RREB1: variants seen among roughly 807,000 people sequenced by gnomAD.
RREB1 encodes the protein ras-responsive element-binding protein 1.
In RREB1, 27 loss-of-function variants were observed where a neutral mutation model predicts 117.8. That is an observed-to-expected ratio of 0.23 (90% CI 0.17 to 0.32). The LOEUF (loss-of-function observed/expected upper bound fraction) is 0.32, where lower values mean the gene tolerates loss of function less well. Among genes scored for constraint, RREB1 ranks in the 10% least tolerant of loss-of-function variants. RREB1 has a pLI of 1.00. For missense variants in RREB1, 2,577 were observed against 2,378.2 expected, an observed-to-expected ratio of 1.08 and a Z score of -1.74; for synonymous variants, 1,298 against 1,026.7, an observed-to-expected ratio of 1.26 and a Z score of -5.05.
At chr6:7,242,741 G>GTT (rs1441707525) in intron 11 of RREB1, among the ~76,000 whole-genome samples, 1 of 151,770 alleles carries the variant, frequency 6.6e-6, no homozygotes. Context: ...TCCTTGAGGG[G>GTT]TTTTCTAGGC....
At chr6:7,235,730 C>G (rs1768275183) in intron 10 of RREB1, among the ~76,000 whole-genome samples, 1 of 152,182 alleles carries the variant, frequency 6.6e-6, no homozygotes, top group Non-Finnish European at 1.5e-5. Flanking sequence ...TCCTCCTACC[C>G]CCTCAGCAGA....
intron 6 of RREB1, among the ~76,000 whole-genome samples, chr6:7,210,254 C>T (rs149816488): frequency 2.0e-5 from 3 of 152,354 alleles, no homozygotes; most frequent in East Asian, 1.9e-4. Context: ...CATAATACTA[C>T]GAACAACAGG....
At chr6:7,158,019 C>T (rs890692383) in intron 1 of RREB1, among the ~76,000 whole-genome samples, 3 of 152,114 alleles carry the variant, frequency 2.0e-5, no homozygotes, top group Non-Finnish European at 4.4e-5. Flanking sequence ...CCGGCTCATG[C>T]CTGACTTCTC....
At chr6:7,119,773 G>C (rs1351234731) in intron 1 of RREB1, among the ~76,000 whole-genome samples, 1 of 152,212 alleles carries the variant, frequency 6.6e-6, no homozygotes, top group Non-Finnish European at 1.5e-5. Flanking sequence ...CCTACCCAGA[G>C]TTGAGAATAG....
At chr6:7,185,989 C>T (rs996032240) in intron 4 of RREB1, among the ~76,000 whole-genome samples, 1 of 152,120 alleles carries the variant, frequency 6.6e-6, no homozygotes, top group Non-Finnish European at 1.5e-5. Flanking sequence ...TGAAAAAACC[C>T]TGATGGTTCT....
chr6:7,250,271 ACTG>A lies in RREB1; in HGVS notation c.*1304_*1306del, dbSNP rs1769352934. 1 of 152,172 alleles carries A rather than the reference ACTG, an allele frequency of 6.6e-6. No individual in the cohort carries two copies. Among genetic ancestry groups the A allele is most frequent in the African/African-American group, 2.4e-5 (1 of 41,438 alleles). 9.4% of individuals were successfully genotyped at this position (152,172 alleles called of 1,614,324 possible). On this transcript the variant is annotated 3_prime_UTR_variant, in exon 13 of 13. Transcript: ENST00000379938. ...ATTTGCAAAGCAAGGAAATACTACT[ACTG>A]GTAATAAAACTACACATGCAAGATG...
chr6:7,124,290 AG>A (rs1317568243), intron 1 of RREB1, among the ~76,000 whole-genome samples: 3 of 152,056 alleles, frequency 2.0e-5, no homozygotes, highest in East Asian at 3.9e-4. Flanking sequence ...GCTCAAGAAA[AG>A]GGGGGGAGTA....
rs1160166038 is a variant in RREB1 at position 7,188,397 on chromosome 6, CCCA to C, written c.262-754_262-752del. On this transcript the variant is annotated intron_variant, in intron 5 of 12. Coordinates refer to ENST00000379938, the MANE Select transcript of RREB1 (RefSeq NM_001003699.4). ...TCCCAAGTAGCTGGGATTACAGGCG[CCCA>C]CCACCACGCCCAGCCAATTTTTTTA... is the stretch of plus-strand genomic sequence containing the variant. Among the ~76,000 whole-genome samples the C allele has an allele frequency of 1.8e-4, 27 of 152,096 alleles. No individual in the cohort carries two copies. In the South Asian group the frequency reaches 5.6e-3, roughly 32 times the overall value.
At chr6:7,189,821 C>T (rs1354745289) in intron 6 of RREB1, among the ~76,000 whole-genome samples, 2 of 152,130 alleles carry the variant, frequency 1.3e-5, no homozygotes, top group African/African-American at 2.4e-5. Flanking sequence ...ATCTGATAAA[C>T]ATCAGGACAT....
chr6:7,245,400 A>G (rs1391098895), intron 11 of RREB1, among the ~76,000 whole-genome samples: 5 of 152,204 alleles, frequency 3.3e-5, no homozygotes, highest in Non-Finnish European at 7.3e-5. Flanking sequence ...GTCTTGAAAA[A>G]ATAATAAAAA....
At position 7,229,119 on chromosome 6, in the gene RREB1, G is replaced by A. The variant is rs149913845; in HGVS notation, c.1020G>A (p.Ala340=). The change falls in exon 10 of 13, where the codon GCG becomes GCA. Residue 340 remains alanine (A), a synonymous_variant. Transcript: ENST00000379938. This position sits in a 1 kb window ranked among gnomAD's most constrained non-coding sequence, Gnocchi z 4.5. The part of the protein sequence containing the change: ...SLALHKQTHV[A]ADQGQEKPQA... ...CTCTGCACAAGCAGACCCATGTGGC[G>A]GCAGACCAGGGTCAAGAAAAGCCGC... 1.8e-4 allele frequency: 282 copies of A among 1,607,708 alleles called. No homozygotes were observed. The highest frequency in any genetic ancestry group is 4.7e-4 in the African/African-American group (35 of 74,912).
chr6:7,162,636 C>T (rs916130856), intron 1 of RREB1, among the ~76,000 whole-genome samples: 32 of 152,164 alleles, frequency 2.1e-4, no homozygotes, highest in Admixed American at 1.7e-3. Flanking sequence ...CCCAGGTTTT[C>T]GCACAGATCC....
intron 1 of RREB1, among the ~76,000 whole-genome samples, chr6:7,109,631 A>G (rs569412065): frequency 4.3e-4 from 65 of 152,324 alleles, no homozygotes; most frequent in African/African-American, 1.5e-3. Context: ...GTGATGGGTT[A>G]TAAAAGAGGA....
chr6:7,247,051 G>C lies in RREB1; in HGVS notation c.4601G>C (p.Ser1534Thr). The C allele has an allele frequency of 1.2e-6, 2 of 1,613,356 alleles. No individual in the cohort carries two copies. The highest frequency in any genetic ancestry group is 1.7e-6 in the Non-Finnish European group (2 of 1,179,826). The stretch of plus-strand genomic sequence containing the variant: ...ACGGAGGGCCCCTCCGACGGGGAGA[G>C]CGCGGCCGAGAAAAGGTCCTCAGAG... Reference protein sequence around the residue: ...EETEGPSDGESAAEKRSSEKS... With the variant: ...EETEGPSDGETAAEKRSSEKS... The change falls in exon 12 of 13, where the codon AGC becomes ACC. Residue 1534 changes from serine (S) to threonine (T), a missense_variant. Physicochemically the swap from Ser to Thr is moderately conservative, Grantham distance 58 (BLOSUM62 1). Transcript: ENST00000379938.
chr6:7,210,436 A>G (rs1766518463), intron 6 of RREB1, among the ~76,000 whole-genome samples: 1 of 152,244 alleles, frequency 6.6e-6, no homozygotes, highest in Non-Finnish European at 1.5e-5. Context: ...CTAGTGGAAC[A>G]GTTTAGGTAT....
At chr6:7,238,247 A>T (rs1292129370) in intron 10 of RREB1, among the ~76,000 whole-genome samples, 5 of 152,032 alleles carry the variant, frequency 3.3e-5, no homozygotes, top group Admixed American at 1.3e-4. Context: ...TTTTCATTTT[A>T]TTTTATTTTT....
At chr6:7,238,876 C>T (rs1422538265) in intron 10 of RREB1, among the ~76,000 whole-genome samples, 4 of 152,210 alleles carry the variant, frequency 2.6e-5, no homozygotes, top group Admixed American at 1.3e-4. Context: ...AGGAGGGAAT[C>T]AATGTCCCCT....
chr6:7,196,191 G>A (rs1183100632), intron 6 of RREB1, among the ~76,000 whole-genome samples: 51 of 138,512 alleles, frequency 3.7e-4, no homozygotes, highest in Admixed American at 3.0e-3. Context: ...CCACCCCAAA[G>A]TTCGTTGTTT....
At chr6:7,187,789 A>G (rs1429453039) in intron 5 of RREB1, 4 of 195,910 alleles carry the variant, frequency 2.0e-5, no homozygotes, top group Non-Finnish European at 3.0e-5. Context: ...AGTTTTTTAA[A>G]TAATTTTGGG....
Sources: gnomAD v4.1 joint callset for allele counts (sites outside exome capture counted in the v4.1 genomes callset) on GRCh38, gnomAD v4.1.1 for gene constraint, Gnocchi (gnomAD v3.1) non-coding constraint, MANE v1.5 for transcripts, NCBI Gene and HGNC (gene_info 2026-07-23, HGNC 2026-07-21) for gene names.